Variants in ENPP3 observed in about 807,000 individuals in gnomAD.
The protein encoded by ENPP3 is ectonucleotide pyrophosphatase/phosphodiesterase 3.
Under a neutral mutation model 117.8 loss-of-function variants are expected in ENPP3, and 104 were observed. The ratio of observed to expected loss-of-function variants is 0.88; its 90% CI spans 0.75 to 1.04. The LOEUF (loss-of-function observed/expected upper bound fraction) is 1.04, where lower values mean the gene tolerates loss of function less well. Ranked by LOEUF, ENPP3 falls within the 50% of genes least tolerant of loss-of-function variation. ENPP3 has a pLI of 0.00. For missense variants in ENPP3, 1,026 were observed against 1,051.9 expected, an observed-to-expected ratio of 0.98 and a Z score of 0.34; for synonymous variants, 380 against 349.9, an observed-to-expected ratio of 1.09 and a Z score of -0.96.
intron 20 of ENPP3, among the ~76,000 whole-genome samples, chr6:131,727,153 C>T (rs1401539224): frequency 6.6e-6 from 1 of 152,102 alleles, no homozygotes; most frequent in Non-Finnish European, 1.5e-5. Flanking sequence ...TAAATTTCCA[C>T]CAATCAACAA....
At chr6:131,732,715 T>TTAC (rs1442888052) in intron 20 of ENPP3, among the ~76,000 whole-genome samples, 1 of 121,780 alleles carries the variant, frequency 8.2e-6, no homozygotes, top group Non-Finnish European at 1.5e-5. Flanking sequence ...TAAGACATTA[T>TTAC]TATTATTATT....
At chr6:131,712,548 T>C (rs1026620306) in intron 15 of ENPP3, among the ~76,000 whole-genome samples, 1 of 129,512 alleles carries the variant, frequency 7.7e-6, no homozygotes, top group Non-Finnish European at 1.5e-5. Context: ...TTCCAAGAAG[T>C]TTTTAGTCCC....
chr6:131,651,511 C>T (rs979414511), intron 3 of ENPP3, among the ~76,000 whole-genome samples: 11 of 152,134 alleles, frequency 7.2e-5, no homozygotes, highest in Non-Finnish European at 1.0e-4. Flanking sequence ...GGTTCTCAAA[C>T]GTCGAGGTGC....
intron 14 of ENPP3, among the ~76,000 whole-genome samples, chr6:131,690,807 T>A (rs968604758): frequency 6.6e-6 from 1 of 151,832 alleles, no homozygotes; most frequent in Non-Finnish European, 1.5e-5. Flanking sequence ...CGATCTTGAG[T>A]AAAAACTGTG....
rs1317518804 is a variant in ENPP3, at chr6:131,733,525, CAT to C, written c.1954-59_1954-58del. On this transcript the variant is annotated intron_variant, in intron 20 of 24. Coordinates refer to ENST00000357639, the MANE Select transcript of ENPP3 (RefSeq NM_005021.5). Reference sequence around the variant, plus strand: ...AAAACATTCTAGGGAAGTGACAAACCATATAAGGCAATGGGTGAGCCGCAATT... The same window carrying C: ...AAAACATTCTAGGGAAGTGACAAACCATAAGGCAATGGGTGAGCCGCAATT... The C allele has an allele frequency of 9.1e-6, 14 of 1,537,080 alleles. No individual in the cohort carries two copies. In the Admixed American group the frequency reaches 2.6e-4, roughly 29 times the overall value.
intron 11 of ENPP3, among the ~76,000 whole-genome samples, chr6:131,681,586 A>G (rs1779024984): frequency 6.6e-6 from 1 of 152,186 alleles, no homozygotes; most frequent in African/African-American, 2.4e-5. Context: ...ATATTCATAA[A>G]GTGTAGAAAA....
intron 2 of ENPP3, among the ~76,000 whole-genome samples, chr6:131,649,728 G>A (rs1009385669): frequency 4.6e-5 from 7 of 151,844 alleles, no homozygotes; most frequent in Admixed American, 3.3e-4. Context: ...GTTAAGTTTT[G>A]TATTTTTAGT....
At chr6:131,649,218 A>G (rs1356266177) in intron 2 of ENPP3, among the ~76,000 whole-genome samples, 1 of 151,874 alleles carries the variant, frequency 6.6e-6, no homozygotes, top group Non-Finnish European at 1.5e-5. Flanking sequence ...TTCCATCCCT[A>G]CCCTACTCAC....
chr6:131,673,886 G>A (rs183962191), intron 7 of ENPP3, among the ~76,000 whole-genome samples: 3 of 151,834 alleles, frequency 2.0e-5, no homozygotes, highest in Admixed American at 2.0e-4. Context: ...TATATAGGAG[G>A]GTATGCATAG....
chr6:131,659,110 G>A (rs1405662192), intron 6 of ENPP3, among the ~76,000 whole-genome samples: 1 of 152,144 alleles, frequency 6.6e-6, no homozygotes, highest in African/African-American at 2.4e-5. Flanking sequence ...GTACTTCTGT[G>A]TTAGGACACT....
intron 21 of ENPP3, 35 bp from the exon 22 acceptor site, chr6:131,737,320 A>T: frequency 7.4e-7 from 1 of 1,356,588 alleles, no homozygotes; most frequent in Non-Finnish European, 1.0e-6. Context: ...ATTTTCTCTT[A>T]TAGCTAGATC....
At chr6:131,729,250 G>A (rs1450269686) in intron 20 of ENPP3, among the ~76,000 whole-genome samples, 5 of 152,074 alleles carry the variant, frequency 3.3e-5, no homozygotes, top group African/African-American at 1.2e-4. Flanking sequence ...ATTTTTCCCT[G>A]TAGAAAATAA....
intron 2 of ENPP3, among the ~76,000 whole-genome samples, chr6:131,643,793 C>T (rs1778101539): frequency 6.6e-6 from 1 of 151,994 alleles, no homozygotes; most frequent in Non-Finnish European, 1.5e-5. Flanking sequence ...AGACAAGAGA[C>T]AAAATCCTTC....
intron 22 of ENPP3, 103 bp downstream of exon 22, chr6:131,737,535 A>G: frequency 1.4e-6 from 1 of 697,962 alleles, no homozygotes; most frequent in Non-Finnish European, 2.5e-6. Context: ...CCTGATATTA[A>G]GGGTCATTTT....
intron 15 of ENPP3, among the ~76,000 whole-genome samples, chr6:131,717,351 G>GGGTGT (rs1314774220): frequency 1.1e-4 from 10 of 89,420 alleles, no homozygotes; most frequent in Non-Finnish European, 2.0e-4. Context: ...CCCTGCGGGG[G>GGGTGT]GTGTGTGTGT....
intron 2 of ENPP3, 28 bp from the exon 3 acceptor site, chr6:131,649,999 T>A: frequency 6.2e-7 from 1 of 1,613,442 alleles, no homozygotes; most frequent in Non-Finnish European, 8.5e-7. Context: ...CTCCTAAATG[T>A]TCGGGCCCTA....
At position 131,730,313 on chromosome 6, in the gene ENPP3, C is replaced by G. The variant is rs1207477568; in HGVS notation, c.1954-3275C>G. Among the ~76,000 whole-genome samples, 7 of 152,150 alleles carry G rather than the reference C, an allele frequency of 4.6e-5. No homozygotes were observed. In the East Asian group the frequency reaches 5.8e-4, roughly 13 times the overall value. ...TACCAAGTGGAGAAACCTGGTCACT[C>G]AGAACTGTATACTATGATATGTTTT... is the stretch of plus-strand genomic sequence containing the variant. On this transcript the variant is annotated intron_variant, in intron 20 of 24. Transcript: ENST00000357639.
At chr6:131,667,683 C>T (rs1002261579) in intron 6 of ENPP3, among the ~76,000 whole-genome samples, 3 of 152,198 alleles carry the variant, frequency 2.0e-5, no homozygotes, top group Non-Finnish European at 4.4e-5. Context: ...AGAAACAGTT[C>T]TGCTTTTCCT....
At chr6:131,690,083 A>G (rs1199178994) in intron 14 of ENPP3, among the ~76,000 whole-genome samples, 1 of 152,230 alleles carries the variant, frequency 6.6e-6, no homozygotes, top group African/African-American at 2.4e-5. Flanking sequence ...ATGGAATCTA[A>G]CCCTGTGAAG....
Sources: allele counts gnomAD v4.1 joint callset (sites outside exome capture counted in the v4.1 genomes callset), GRCh38; gene constraint gnomAD v4.1.1; transcripts MANE v1.5; gene names NCBI Gene and HGNC (gene_info 2026-07-23, HGNC 2026-07-21).